SLC14A2: variants seen among roughly 807,000 people sequenced by gnomAD.
SLC14A2 encodes urea transporter 2.
SLC14A2 carries 91 observed loss-of-function variants against 104.6 expected under a neutral mutation model. That is an observed-to-expected ratio of 0.87 (90% CI 0.73 to 1.04). The LOEUF is 1.04. Ranked by LOEUF, SLC14A2 falls within the 50% of genes least tolerant of loss-of-function variation. SLC14A2 has a pLI of 0.00. For missense variants in SLC14A2, 1,189 were observed against 1,156.0 expected, an observed-to-expected ratio of 1.03 and a Z score of -0.41; for synonymous variants, 476 against 466.4, an observed-to-expected ratio of 1.02 and a Z score of -0.27.
At chr18:45,535,615 A>G (rs555198454) in intron 2 of SLC14A2, among the ~76,000 whole-genome samples, 2 of 152,320 alleles carry the variant, frequency 1.3e-5, no homozygotes, top group East Asian at 3.9e-4. Flanking sequence ...CAGAGTTAGC[A>G]GAGACTGTGC....
chr18:45,440,638 C>G (rs1241664925), intron 1 of SLC14A2, among the ~76,000 whole-genome samples: 1 of 152,192 alleles, frequency 6.6e-6, no homozygotes, highest in Admixed American at 6.5e-5. Flanking sequence ...ACATTCCTAA[C>G]TGGAGTCCTG....
chr18:45,398,045 G>A (rs1326558297), intron 1 of SLC14A2, among the ~76,000 whole-genome samples: 1 of 151,958 alleles, frequency 6.6e-6, no homozygotes, highest in African/African-American at 2.4e-5. Context: ...TATAAGCCAG[G>A]AATTTACACA....
At chr18:45,681,906 C>T (rs1253846466) in intron 19 of SLC14A2, among the ~76,000 whole-genome samples, 1 of 152,216 alleles carries the variant, frequency 6.6e-6, no homozygotes, top group Non-Finnish European at 1.5e-5. Context: ...AAACAGAAAA[C>T]ATCTTGAGCT....
chr18:45,363,356 G>GA (rs1381766538), intron 1 of SLC14A2, among the ~76,000 whole-genome samples: 1 of 151,666 alleles, frequency 6.6e-6, no homozygotes, highest in African/African-American at 2.4e-5. Flanking sequence ...CTGGAAGGGG[G>GA]AAAAATAAAG....
Position 45,516,582 on chromosome 18 carries a change from G to A in SLC14A2, c.-35+33260G>A, listed in dbSNP as rs116207653. 8.9e-3 allele frequency among the ~76,000 whole-genome samples: 1,358 copies of A among 152,292 alleles called. 19 individuals carry two copies. The highest frequency in any genetic ancestry group is 0.031 in the African/African-American group (1,287 of 41,558). On this transcript the variant is annotated intron_variant, in intron 2 of 20. Transcript: ENST00000586448. ...CTTCTTACCTTTTATATGCAGGGGA[G>A]GAGATTCCATAATCATTCATTTGAA...
At chr18:45,642,408 G>A (rs181117846) in intron 8 of SLC14A2, among the ~76,000 whole-genome samples, 254 of 152,320 alleles carry the variant, frequency 1.7e-3, no homozygotes, top group Admixed American at 4.4e-3. Context: ...AGATTCCTGT[G>A]GCTGGAATCA....
rs1321720339 is a variant in SLC14A2 at position 45,414,754 on chromosome 18, AAAAATATAT to A, written c.-124-68477_-124-68469del. Reference sequence around the variant, plus strand: ...GCAAGGCACCGAGCGTAAAAAAAAAAAAAATATATATATATATATATATATATATATATA... The same window carrying A: ...GCAAGGCACCGAGCGTAAAAAAAAAAATATATATATATATATATATATATA... On this transcript the variant is annotated intron_variant, in intron 1 of 20. Coordinates refer to the SLC14A2 transcript ENST00000586448. Among the ~76,000 whole-genome samples, 10 of 76,062 alleles carry A rather than the reference AAAAATATAT, an allele frequency of 1.3e-4. 1 individual carries two copies. Among genetic ancestry groups the A allele is most frequent in the African/African-American group, 6.2e-4 (10 of 16,198 alleles). The allele number at this position is 76,062 out of a possible 152,430, so 49.9% of individuals were successfully genotyped here. A position where few individuals can be genotyped will look rare whatever the true frequency, so the allele number is the denominator to read the frequency against.
intron 2 of SLC14A2, among the ~76,000 whole-genome samples, chr18:45,573,689 C>A (rs565360837): frequency 3.0e-4 from 45 of 152,328 alleles, no homozygotes; most frequent in Middle Eastern, 3.4e-3. Context: ...GGCTTGGCAG[C>A]AAATCAATTG....
the SLC14A2 span, among the ~76,000 whole-genome samples, chr18:45,171,243 C>A: frequency 1.3e-5 from 2 of 151,984 alleles, no homozygotes; most frequent in Admixed American, 6.6e-5. Flanking sequence ...GGGTGTCCTG[C>A]ATTTTCTCTG....
intron 2 of SLC14A2, chr18:45,490,027 C>T (rs1023325328): frequency 6.6e-6 from 1 of 152,268 alleles, no homozygotes; most frequent in East Asian, 1.9e-4. Context: ...AGGCTGGAAA[C>T]TAGATCTTTG....
rs1487692978 is a variant in SLC14A2 at position 45,333,551 on chromosome 18, G to A, written c.-125+120360G>A. ...AGATCTGTACCAGAACTGGTCTTGA[G>A]AAATATTGTAGAGTCAGTAAATTGC... On this transcript the variant is annotated intron_variant, in intron 1 of 20. Coordinates refer to the SLC14A2 transcript ENST00000586448. Among the ~76,000 whole-genome samples the A allele has an allele frequency of 2.0e-5, 3 of 152,170 alleles. No individual in the cohort carries two copies. The East Asian group carries it at 5.8e-4, about 29-fold the overall frequency.
intron 1 of SLC14A2, among the ~76,000 whole-genome samples, chr18:45,482,799 C>A (rs1049147581): frequency 2.0e-5 from 3 of 152,142 alleles, no homozygotes; most frequent in African/African-American, 7.2e-5. Context: ...AGTGATCACA[C>A]AGTTATACAA....
At chr18:45,474,781 G>C (rs1261501027) in intron 1 of SLC14A2, among the ~76,000 whole-genome samples, 1 of 151,398 alleles carries the variant, frequency 6.6e-6, no homozygotes, top group East Asian at 1.9e-4. Flanking sequence ...CTTCTTTATT[G>C]GTCTGGCTAG....
intron 10 of SLC14A2, among the ~76,000 whole-genome samples, chr18:45,659,805 T>A (rs566010212): frequency 9.2e-5 from 14 of 152,306 alleles, no homozygotes; most frequent in African/African-American, 2.9e-4. Context: ...AAATATCTAA[T>A]GACTTTGTCC....
intron 1 of SLC14A2, among the ~76,000 whole-genome samples, chr18:45,236,967 G>C (rs905368646): frequency 6.6e-6 from 1 of 152,098 alleles, no homozygotes; most frequent in Non-Finnish European, 1.5e-5. Context: ...GGAAGTCTTG[G>C]GGGAGAGCCC....
chr18:45,576,993 T>C (rs1382851213), intron 2 of SLC14A2, among the ~76,000 whole-genome samples: 1 of 152,168 alleles, frequency 6.6e-6, no homozygotes, highest in Non-Finnish European at 1.5e-5. Flanking sequence ...CTCTAGGGCA[T>C]AGCAGCTGTT....
At chr18:45,400,182 G>T (rs1005526180) in intron 1 of SLC14A2, among the ~76,000 whole-genome samples, 3 of 152,112 alleles carry the variant, frequency 2.0e-5, no homozygotes, top group African/African-American at 4.8e-5. Context: ...CTCCATTGAT[G>T]TTTTTTTACA....
At chr18:45,365,082 C>A (rs1348343085) in intron 1 of SLC14A2, among the ~76,000 whole-genome samples, 1 of 152,232 alleles carries the variant, frequency 6.6e-6, no homozygotes, top group Admixed American at 6.5e-5. Context: ...GGGTCTTCTC[C>A]CTTCTTCCCA....
chr18:45,414,757 A>AAAAAAAAAAAAT (rs1360051908), intron 1 of SLC14A2, among the ~76,000 whole-genome samples: 3 of 76,112 alleles, frequency 3.9e-5, no homozygotes, highest in East Asian at 3.8e-4. Context: ...AAAAAAAAAA[A>AAAAAAAAAAAAT]ATATATATAT....
Sources: gnomAD v4.1 joint callset for allele counts (sites outside exome capture counted in the v4.1 genomes callset) on GRCh38, gnomAD v4.1.1 for gene constraint, MANE v1.5 for transcripts, NCBI Gene and HGNC (gene_info 2026-07-23, HGNC 2026-07-21) for gene names.